CFAP299: variants seen among roughly 807,000 people sequenced by gnomAD.
The protein encoded by CFAP299 is cilia and flagella associated protein 299.
In CFAP299, 21 loss-of-function variants were observed where a neutral mutation model predicts 27.0. The ratio of observed to expected loss-of-function variants is 0.78; its 90% CI spans 0.55 to 1.12. CFAP299 has a LOEUF of 1.12. Among genes scored for constraint, CFAP299 ranks in the 50% most tolerant of loss-of-function variants. The probability of loss-of-function intolerance (pLI) is 0.00; values close to 1 mark genes in which losing one functional copy is unlikely to be tolerated. For synonymous variants in CFAP299, 104 were observed against 98.1 expected (o/e 1.06, Z -0.36); for missense variants, 310 against 276.6 (o/e 1.12, Z -0.86).
rs983516973 is a variant in CFAP299 at position 80,585,482 on chromosome 4, A to G, written c.333+2299A>G. On this transcript the variant is annotated intron_variant, in intron 3 of 5. Transcript: ENST00000358105. ...TTTCCACTTATCAGATCTCACATCC[A>G]TTTGGTCACCAACCCTGGTCAATTT... 3.3e-5 allele frequency among the ~76,000 whole-genome samples: 5 copies of G among 152,084 alleles called. No individual in the cohort carries two copies. The South Asian group carries it at 1.0e-3, about 32-fold the overall frequency.
At chr4:80,335,545 T>G (rs928629197), upstream of CFAP299, among the ~76,000 whole-genome samples, 3 of 152,324 alleles carry the variant, frequency 2.0e-5, no homozygotes, top group African/African-American at 7.2e-5. Flanking sequence ...CACTGAAGCC[T>G]GAGTCGGTGG....
chr4:80,741,643 C>T (rs1578080561), intron 3 of CFAP299, among the ~76,000 whole-genome samples: 1 of 152,206 alleles, frequency 6.6e-6, no homozygotes, highest in East Asian at 1.9e-4. Flanking sequence ...AGATATACTG[C>T]CTTGGGTTGG....
chr4:80,466,940 A>T (rs1001047438), intron 2 of CFAP299, among the ~76,000 whole-genome samples: 13 of 152,348 alleles, frequency 8.5e-5, no homozygotes, highest in African/African-American at 3.1e-4. Flanking sequence ...AGGTAATCTC[A>T]TGCCTCTCTG....
At chr4:80,617,808 G>T (rs920204849) in intron 3 of CFAP299, among the ~76,000 whole-genome samples, 7 of 152,104 alleles carry the variant, frequency 4.6e-5, no homozygotes, top group Non-Finnish European at 1.0e-4. Context: ...TAAGCATTTT[G>T]ATATGTTTTT....
At chr4:80,372,379 G>A (rs752680394) in intron 2 of CFAP299, among the ~76,000 whole-genome samples, 32 of 152,340 alleles carry the variant, frequency 2.1e-4, no homozygotes, top group African/African-American at 6.0e-4. Flanking sequence ...ATACGAATGG[G>A]TTCCCTGGTC....
intron 4 of CFAP299, among the ~76,000 whole-genome samples, chr4:80,926,687 C>T (rs1462347736): frequency 6.6e-6 from 1 of 151,914 alleles, no homozygotes; most frequent in Non-Finnish European, 1.5e-5. Context: ...CATGATAAGA[C>T]ATTGCTTCTT....
intron 3 of CFAP299, among the ~76,000 whole-genome samples, chr4:80,608,542 A>G (rs1431801643): frequency 6.6e-6 from 1 of 152,144 alleles, no homozygotes; most frequent in Non-Finnish European, 1.5e-5. Flanking sequence ...ATTGCAATGT[A>G]CAGATGTTGA....
chr4:80,576,759 G>A (rs561481265), intron 2 of CFAP299, among the ~76,000 whole-genome samples: 2 of 152,240 alleles, frequency 1.3e-5, no homozygotes, highest in East Asian at 3.9e-4. Flanking sequence ...CACATTTTAA[G>A]GAACTAAGGC....
Position 80,459,393 on chromosome 4 carries a change from G to A in CFAP299, c.242+96509G>A, listed in dbSNP as rs566445775. Among the ~76,000 whole-genome samples the A allele has an allele frequency of 1.7e-4, 26 of 152,278 alleles. 1 individual carries two copies. The East Asian group carries it at 2.7e-3, about 16-fold the overall frequency. ...CAGGGGAGAAGGGATGCAAGATGCC[G>A]GAAGTATGCCAACATGTAAAACCTC... On this transcript the variant is annotated intron_variant, in intron 2 of 5. Transcript: ENST00000358105.
intron 3 of CFAP299, among the ~76,000 whole-genome samples, chr4:80,743,121 C>T (rs986589665): frequency 6.6e-6 from 1 of 152,024 alleles, no homozygotes; most frequent in Non-Finnish European, 1.5e-5. Flanking sequence ...GACCGGGCTC[C>T]GTGGCTCATG....
At chr4:80,866,581 G>T (rs985429271) in intron 3 of CFAP299, among the ~76,000 whole-genome samples, 1 of 152,094 alleles carries the variant, frequency 6.6e-6, no homozygotes, top group Non-Finnish European at 1.5e-5. Context: ...TTTCAGGAAG[G>T]TGCTTAAGAG....
the CFAP299 span, among the ~76,000 whole-genome samples, chr4:80,321,319 A>T: frequency 6.6e-6 from 1 of 152,200 alleles, no homozygotes; most frequent in African/African-American, 2.4e-5. Context: ...TCCATTTATT[A>T]ATTCATTTTT....
chr4:80,828,920 C>T (rs1730141928), intron 3 of CFAP299, among the ~76,000 whole-genome samples: 1 of 151,828 alleles, frequency 6.6e-6, no homozygotes, highest in African/African-American at 2.4e-5. Context: ...ACTAACATCA[C>T]ATAAAAAAAT....
chr4:80,682,873 A>G (rs1719930361), intron 3 of CFAP299, among the ~76,000 whole-genome samples: 2 of 152,142 alleles, frequency 1.3e-5, no homozygotes, highest in Non-Finnish European at 2.9e-5. Flanking sequence ...TAATACCTCC[A>G]GTGACATCAT....
At position 80,869,469 on chromosome 4, in the gene CFAP299, G is replaced by A. The variant is rs1224133057; in HGVS notation, c.334-524G>A. On this transcript the variant is annotated intron_variant, in intron 3 of 5. Transcript: ENST00000358105. Reference sequence around the variant, plus strand: ...ACAACTAATTGTTAATTGTATCTCTGTTGTTCTTTTCGTTTTTCAACTGGA... The same window carrying A: ...ACAACTAATTGTTAATTGTATCTCTATTGTTCTTTTCGTTTTTCAACTGGA... Among the ~76,000 whole-genome samples, 7 of 152,132 alleles carry A rather than the reference G, an allele frequency of 4.6e-5. No individual in the cohort carries two copies. The East Asian group carries it at 1.2e-3, about 25-fold the overall frequency.
chr4:80,862,727 C>A (rs1216267395), intron 3 of CFAP299, among the ~76,000 whole-genome samples: 4 of 152,032 alleles, frequency 2.6e-5, no homozygotes, highest in African/African-American at 9.7e-5. Flanking sequence ...TGAGCCCAAG[C>A]CTCCAACAGG....
At chr4:80,872,421 G>A (rs190779234) in intron 4 of CFAP299, 34 of 152,090 alleles carry the variant, frequency 2.2e-4, no homozygotes, top group Admixed American at 5.2e-4. Context: ...CTTCTATAGA[G>A]AAAAACTTTT....
chr4:80,369,784 C>A (rs1440049402), intron 2 of CFAP299, among the ~76,000 whole-genome samples: 1 of 152,132 alleles, frequency 6.6e-6, no homozygotes, highest in African/African-American at 2.4e-5. Context: ...GCATGCACAT[C>A]GGTTTTTAAT....
At chr4:80,887,025 C>G (rs555578077) in intron 4 of CFAP299, among the ~76,000 whole-genome samples, 1 of 151,800 alleles carries the variant, frequency 6.6e-6, no homozygotes, top group South Asian at 2.1e-4. Flanking sequence ...TTCGAAAATA[C>G]ACAGTCAGAG....
Sources: allele counts gnomAD v4.1 joint callset (sites outside exome capture counted in the v4.1 genomes callset), GRCh38; gene constraint gnomAD v4.1.1; transcripts MANE v1.5; gene names NCBI Gene and HGNC (gene_info 2026-07-23, HGNC 2026-07-21).